Variants in TUBGCP4 observed in about 807,000 individuals in gnomAD.
The protein encoded by TUBGCP4 is tubulin gamma complex component 4, also known as gamma-tubulin complex component 4.
TUBGCP4 carries 54 observed loss-of-function variants against 91.6 expected under a neutral mutation model. The ratio of observed to expected loss-of-function variants is 0.59; its 90% CI spans 0.47 to 0.74. TUBGCP4 has a LOEUF of 0.74. Ranked by LOEUF, TUBGCP4 falls within the 30% of genes least tolerant of loss-of-function variation. The pLI, the probability that TUBGCP4 is intolerant of heterozygous loss-of-function variation, is 0.00. For missense variants in TUBGCP4, 593 were observed against 800.9 expected, an observed-to-expected ratio of 0.74 and a Z score of 3.13; for synonymous variants, 297 against 302.8, an observed-to-expected ratio of 0.98 and a Z score of 0.20.
intron 1 of TUBGCP4, among the ~76,000 whole-genome samples, chr15:43,374,585 C>G (rs1274859323): frequency 2.0e-5 from 3 of 151,900 alleles, no homozygotes; most frequent in African/African-American, 7.3e-5. Context: ...GTATTCCAGT[C>G]TGGGTGACAG....
In TUBGCP4 at chr15:43,380,129, G is replaced by A. The variant is rs771153821; in HGVS notation, c.487G>A (p.Gly163Arg). ...ILETVYKHSC[G>R]GLPPVRSALE... ...GGAAACAGTCTACAAACACAGCTGT[G>A]GGGGGTTGCCTCCTGTTCGAAGTGC... The change falls in exon 6 of 18, where the codon GGG becomes AGG. Residue 163 changes from glycine (G) to arginine (R), a missense_variant. Gly to Arg is a moderately radical substitution (Grantham distance 125). Coordinates refer to ENST00000564079, the MANE Select transcript of TUBGCP4 (RefSeq NM_014444.5). 4 of 1,614,092 alleles carry A rather than the reference G, an allele frequency of 2.5e-6. No homozygotes were observed. The highest frequency in any genetic ancestry group is 2.2e-5 in the South Asian group (2 of 91,076).
In TUBGCP4 at chr15:43,383,807, G is replaced by GTT. The variant is rs1049589164; in HGVS notation, c.723+313_723+314dup. Among the ~76,000 whole-genome samples, 13 of 144,750 alleles carry GTT rather than the reference G, an allele frequency of 9.0e-5. No homozygotes were observed. The East Asian group carries it at 2.4e-3, about 27-fold the overall frequency. The allele number at this position is 144,750 out of a possible 152,430, so 95.0% of individuals were successfully genotyped here. ...GATTTTAAATACAGTTTGGAGTTTT[G>GTT]TTTTTTTTTTTAAAGACAGATTCTC... On this transcript the variant is annotated intron_variant, in intron 7 of 17. Transcript: ENST00000564079.
rs1270387452 is a variant in TUBGCP4, at chr15:43,395,171, T to A, written c.1065+14T>A. ...GGTCAGCTGAAGGTAATGGCTTAGCTGTTGTAATTCTTACGGTGATGCTGG... is the reference window on the plus strand; with the variant it reads ...GGTCAGCTGAAGGTAATGGCTTAGCAGTTGTAATTCTTACGGTGATGCTGG... On this transcript the variant is annotated intron_variant, in intron 10 of 17. Transcript: ENST00000564079. The A allele has an allele frequency of 6.2e-7, 1 of 1,613,786 alleles. No homozygotes were observed. Among genetic ancestry groups the A allele is most frequent in the Non-Finnish European group, 8.5e-7 (1 of 1,179,794 alleles).
intron 4 of TUBGCP4, among the ~76,000 whole-genome samples, chr15:43,377,338 C>T (rs528363631): frequency 2.6e-5 from 4 of 152,232 alleles, no homozygotes; most frequent in African/African-American, 9.6e-5. Flanking sequence ...GAAACTGCTT[C>T]CCGACTGGGC....
At chr15:43,388,985 G>A (rs1029373987) in intron 9 of TUBGCP4, among the ~76,000 whole-genome samples, 7 of 152,110 alleles carry the variant, frequency 4.6e-5, no homozygotes, top group Non-Finnish European at 1.0e-4. Flanking sequence ...TGAATCTGGC[G>A]CTAGAGGTCA....
chr15:43,409,080 T>C lies in TUBGCP4; in HGVS notation c.*3866T>C. 6.2e-7 allele frequency: 1 copy of C among 1,614,174 alleles called. No homozygotes were observed. ...ATGCTGATCCGCAATTAGAAGACAC[T>C]GGTAAGCTGTGTTACACTGCAAGAA... On this transcript the variant is annotated 3_prime_UTR_variant, in exon 18 of 18. Coordinates refer to ENST00000564079, the MANE Select transcript of TUBGCP4 (RefSeq NM_014444.5).
intron 2 of TUBGCP4, 73 bp from the exon 3 acceptor site, chr15:43,376,430 A>G (rs765842850): frequency 6.2e-7 from 1 of 1,613,598 alleles, no homozygotes; most frequent in Non-Finnish European, 8.5e-7. Flanking sequence ...TTTAAAAGAA[A>G]CAAGCCTGAT....
In TUBGCP4 at chr15:43,407,706, G is replaced by T; in HGVS notation, c.*2492G>T. Reference sequence around the variant, plus strand: ...CTATTATGTCAAACACACTGCTACTGATCATGACCAAAGGCAGAGTTATAA... The same window carrying T: ...CTATTATGTCAAACACACTGCTACTTATCATGACCAAAGGCAGAGTTATAA... On this transcript the variant is annotated 3_prime_UTR_variant, in exon 18 of 18. Coordinates refer to ENST00000564079, the MANE Select transcript of TUBGCP4 (RefSeq NM_014444.5). The T allele has an allele frequency of 1.1e-6, 1 of 875,738 alleles. No homozygotes were observed. 54.2% of individuals were successfully genotyped at this position (875,738 alleles called of 1,614,324 possible). A position where few individuals can be genotyped will look rare whatever the true frequency, so the allele number is the denominator to read the frequency against.
chr15:43,407,689 T>TCAAA lies in TUBGCP4; in HGVS notation c.*2478_*2481dup. On this transcript the variant is annotated 3_prime_UTR_variant, in exon 18 of 18. Transcript: ENST00000564079. The stretch of plus-strand genomic sequence containing the variant: ...CTGCACAAACCAAAGCCCTATTATG[T>TCAAA]CAAACACACTGCTACTGATCATGAC... 1.0e-6 allele frequency: 1 copy of TCAAA among 966,296 alleles called. No individual in the cohort carries two copies. The highest frequency in any genetic ancestry group is 1.5e-6 in the Non-Finnish European group (1 of 656,700). The allele number at this position is 966,296 out of a possible 1,614,324, so 59.9% of individuals were successfully genotyped here.
chr15:43,376,723 TG>T lies in TUBGCP4; in HGVS notation c.330+99del, dbSNP rs1379069832. On this transcript the variant is annotated intron_variant, in intron 3 of 17. Coordinates refer to ENST00000564079, the MANE Select transcript of TUBGCP4 (RefSeq NM_014444.5). ...TTTGATAAGATCAGGTAGTTAAGAG[TG>T]AGCAGTTGCCTGCATGGCTGGAAGG... 2.8e-5 allele frequency: 43 copies of T among 1,528,688 alleles called. No homozygotes were observed. In the East Asian group the frequency reaches 9.0e-4, roughly 32 times the overall value. 94.7% of individuals were successfully genotyped at this position (1,528,688 alleles called of 1,614,324 possible).
chr15:43,393,596 G>T (rs1007965801), intron 9 of TUBGCP4, among the ~76,000 whole-genome samples: 2 of 151,570 alleles, frequency 1.3e-5, no homozygotes, highest in Admixed American at 6.6e-5. Context: ...TCCCTCCCCG[G>T]TCCCCCCACC....
In TUBGCP4 at chr15:43,386,344, C is replaced by CATATATATATATAT. The variant is rs1566894338; in HGVS notation, c.1014+14_1014+15insATATATATATATAT. 231 of 245,610 alleles carry CATATATATATATAT rather than the reference C, an allele frequency of 9.4e-4. 46 individuals carry two copies. Among genetic ancestry groups the CATATATATATATAT allele is most frequent in the Middle Eastern group, 3.4e-3 (2 of 584 alleles). 15.2% of individuals were successfully genotyped at this position (245,610 alleles called of 1,614,324 possible). ...ACTGTGGCTGAGGTTTGTGTTTCAT[C>CATATATATATATAT]GTATATATATATATATATATATATA... On this transcript the variant is annotated intron_variant, in intron 9 of 17. Coordinates refer to ENST00000564079, the MANE Select transcript of TUBGCP4 (RefSeq NM_014444.5).
At position 43,405,196 on chromosome 15, in the gene TUBGCP4, T is replaced by G. The variant is rs987872971; in HGVS notation, c.1989-6T>G. The G allele has an allele frequency of 6.2e-7, 1 of 1,614,024 alleles. No individual in the cohort carries two copies. Among genetic ancestry groups the G allele is most frequent in the Admixed American group, 1.7e-5 (1 of 60,004 alleles). On this transcript the variant is annotated splice_polypyrimidine_tract_variant and splice_region_variant and intron_variant, in intron 17 of 17. Transcript: ENST00000564079. ...CACTTAATAAGGCTCTTTTTCTCTT[T>G]TGTAGTTTCGGGATGTGAAAATTTC...
intron 1 of TUBGCP4, among the ~76,000 whole-genome samples, chr15:43,373,729 A>G (rs1332537402): frequency 6.6e-6 from 1 of 151,246 alleles, no homozygotes; most frequent in Admixed American, 6.6e-5. Context: ...GCTCACTGCA[A>G]GCTCCACCTC....
At chr15:43,375,887 A>G (rs897553943) in intron 1 of TUBGCP4, among the ~76,000 whole-genome samples, 1 of 152,210 alleles carries the variant, frequency 6.6e-6, no homozygotes, top group Non-Finnish European at 1.5e-5. Context: ...ATTATTTAGC[A>G]TGTGTTACCT....
At chr15:43,391,141 T>C (rs751552795) in intron 9 of TUBGCP4, among the ~76,000 whole-genome samples, 32 of 152,100 alleles carry the variant, frequency 2.1e-4, no homozygotes, top group African/African-American at 7.7e-4. Context: ...TCTTCCCTTC[T>C]GCCTCAGCCT....
Position 43,376,722 on chromosome 15 carries a change from G to T in TUBGCP4, c.330+97G>T. 2.0e-6 allele frequency: 3 copies of T among 1,530,232 alleles called. No homozygotes were observed. The South Asian group carries it at 3.5e-5, about 18-fold the overall frequency. 94.8% of individuals were successfully genotyped at this position (1,530,232 alleles called of 1,614,324 possible). On this transcript the variant is annotated intron_variant, in intron 3 of 17. Transcript: ENST00000564079. ...CTTTGATAAGATCAGGTAGTTAAGA[G>T]TGAGCAGTTGCCTGCATGGCTGGAA...
intron 17 of TUBGCP4, chr15:43,404,871 C>G: frequency 2.1e-6 from 1 of 482,886 alleles, no homozygotes; most frequent in East Asian, 3.6e-5. Context: ...CCGTGGGCAC[C>G]CCGCCTTGCT....
Position 43,408,724 on chromosome 15 carries a change from G to GTAA in TUBGCP4, c.*3511_*3513dup. ...CATTTGCAAAAGGTTCCTAGCCAATGTAACCTAGGGAAATAAACTAGATAA... is the reference window on the plus strand; with the variant it reads ...CATTTGCAAAAGGTTCCTAGCCAATGTAATAACCTAGGGAAATAAACTAGATAA... On this transcript the variant is annotated 3_prime_UTR_variant, in exon 18 of 18. Transcript: ENST00000564079. 1 of 636,826 alleles carries GTAA rather than the reference G, an allele frequency of 1.6e-6. No individual in the cohort carries two copies. The allele number at this position is 636,826 out of a possible 1,614,324, so 39.4% of individuals were successfully genotyped here.
Sources: gnomAD v4.1 joint callset for allele counts (sites outside exome capture counted in the v4.1 genomes callset) on GRCh38, gnomAD v4.1.1 for gene constraint, MANE v1.5 for transcripts, NCBI Gene and HGNC (gene_info 2026-07-23, HGNC 2026-07-21) for gene names.